GADL1: variants seen among roughly 807,000 people sequenced by gnomAD.
GADL1 encodes the protein GAD like acidic amino acid decarboxylase 1, also known as acidic amino acid decarboxylase GADL1.
Under a neutral mutation model 69.5 loss-of-function variants are expected in GADL1, and 71 were observed. The observed-to-expected ratio is 1.02, with a 90% confidence interval of 0.84 to 1.25. The LOEUF (loss-of-function observed/expected upper bound fraction) is 1.25, where lower values mean the gene tolerates loss of function less well. GADL1 is among the 50% of genes most tolerant of loss of function. The pLI is 0.00. For synonymous variants in GADL1, 254 were observed against 214.4 expected (o/e 1.18, Z -1.62); for missense variants, 737 against 631.8 (o/e 1.17, Z -1.79).
chr3:30,797,064 G>A (rs560686784), intron 12 of GADL1, among the ~76,000 whole-genome samples: 5 of 152,268 alleles, frequency 3.3e-5, no homozygotes, highest in East Asian at 1.9e-4. Context: ...GTATTATAAC[G>A]CAATCAGCTA....
intron 14 of GADL1, among the ~76,000 whole-genome samples, chr3:30,760,348 CATT>C (rs1254513926): frequency 6.6e-6 from 1 of 152,148 alleles, no homozygotes; most frequent in African/African-American, 2.4e-5. Flanking sequence ...TGCTTCTCTT[CATT>C]AAGCTTTAGT....
intron 12 of GADL1, among the ~76,000 whole-genome samples, chr3:30,786,985 G>A (rs1559499720): frequency 6.6e-6 from 1 of 152,144 alleles, no homozygotes; most frequent in Non-Finnish European, 1.5e-5. Context: ...TTATAAGTGG[G>A]AGCTGAACAG....
rs1288716141 is a variant in GADL1, at chr3:30,861,743, C to A, written c.60G>T (p.Met20Ile). 7.8e-6 allele frequency: 12 copies of A among 1,546,512 alleles called. No individual in the cohort carries two copies. The highest frequency in any genetic ancestry group is 1.0e-5 in the Non-Finnish European group (12 of 1,144,648). Reference sequence around the variant, plus strand: ...GAACAGCATTCTTCTTACTTGGAATCATCTCTTGTTGATCAATATCTCCTG... The same window carrying A: ...GAACAGCATTCTTCTTACTTGGAATAATCTCTTGTTGATCAATATCTCCTG... Reference protein sequence around the residue: ...PVDGDIDQQEMIPSKKNAVLV... With the variant: ...PVDGDIDQQEIIPSKKNAVLV... The change falls in exon 2 of 15, where the codon ATG becomes ATT. Residue 20 changes from methionine (M) to isoleucine (I), a missense_variant. Coordinates refer to ENST00000282538, the MANE Select transcript of GADL1 (RefSeq NM_207359.3).
intron 11 of GADL1, among the ~76,000 whole-genome samples, chr3:30,812,384 T>A (rs1290612556): frequency 2.6e-5 from 4 of 151,784 alleles, no homozygotes; most frequent in African/African-American, 9.7e-5. Context: ...GGACTCACAG[T>A]TCCACGTGGC....
chr3:30,811,461 T>C (rs1042603329), intron 11 of GADL1, among the ~76,000 whole-genome samples: 1 of 152,148 alleles, frequency 6.6e-6, no homozygotes, highest in Admixed American at 6.5e-5. Context: ...CAGATGGAGA[T>C]TTTTCGATTT....
chr3:30,785,227 T>C (rs1696762344), intron 13 of GADL1, among the ~76,000 whole-genome samples: 1 of 152,200 alleles, frequency 6.6e-6, no homozygotes, highest in African/African-American at 2.4e-5. Flanking sequence ...TTAATTAATT[T>C]GCTTAATTAG....
At chr3:30,746,084 G>A (rs1024127965) in intron 14 of GADL1, among the ~76,000 whole-genome samples, 3 of 151,806 alleles carry the variant, frequency 2.0e-5, no homozygotes, top group Non-Finnish European at 4.4e-5. Flanking sequence ...CGCTTCCTGG[G>A]TTCAAGCAAT....
At chr3:30,812,223 C>T (rs954594745) in intron 11 of GADL1, among the ~76,000 whole-genome samples, 1 of 152,148 alleles carries the variant, frequency 6.6e-6, no homozygotes, top group African/African-American at 2.4e-5. Context: ...AAAAGAAGCT[C>T]CAAACTATAA....
At chr3:30,781,290 T>C (rs553798746) in intron 13 of GADL1, among the ~76,000 whole-genome samples, 1 of 152,358 alleles carries the variant, frequency 6.6e-6, no homozygotes, top group East Asian at 1.9e-4. Flanking sequence ...GGAAGAATTA[T>C]TTAGCAAATT....
intron 8 of GADL1, 78 bp from the exon 9 acceptor site, chr3:30,839,191 G>T: frequency 1.1e-6 from 1 of 874,546 alleles, no homozygotes; most frequent in Non-Finnish European, 1.7e-6. Context: ...AAATATAAAG[G>T]GTTATGCATC....
chr3:30,826,145 T>G (rs1180763284), intron 11 of GADL1, among the ~76,000 whole-genome samples: 1 of 151,952 alleles, frequency 6.6e-6, no homozygotes, highest in African/African-American at 2.4e-5. Flanking sequence ...TTTTAATTTA[T>G]GTAATCTTTG....
intron 14 of GADL1, among the ~76,000 whole-genome samples, chr3:30,740,641 A>T (rs1270623493): frequency 6.6e-6 from 1 of 151,780 alleles, no homozygotes; most frequent in Non-Finnish European, 1.5e-5. Flanking sequence ...TCACTATTCA[A>T]CTCCTACTTT....
At chr3:30,849,669 G>C (rs1162105048) in intron 6 of GADL1, among the ~76,000 whole-genome samples, 1 of 152,004 alleles carries the variant, frequency 6.6e-6, no homozygotes, top group African/African-American at 2.4e-5. Flanking sequence ...AGAAGACATA[G>C]CTGAGATCCA....
rs114087407 is a variant in GADL1, at chr3:30,737,422, A to G, written c.1393-9007T>C. On this transcript the variant is annotated intron_variant, in intron 14 of 14. Transcript: ENST00000282538. The stretch of plus-strand genomic sequence containing the variant: ...TTTTTTGTTAATCATAAAATCTAAT[A>G]AAGTGTTTAAAACACTTAACCATGG... Among the ~76,000 whole-genome samples, 848 of 152,292 alleles carry G rather than the reference A, an allele frequency of 5.6e-3. 12 individuals carry two copies. Among genetic ancestry groups the G allele is most frequent in the African/African-American group, 0.019 (810 of 41,556 alleles).
intron 13 of GADL1, among the ~76,000 whole-genome samples, chr3:30,782,482 A>G (rs1696687363): frequency 1.3e-5 from 2 of 152,166 alleles, no homozygotes; most frequent in Middle Eastern, 3.2e-3. Flanking sequence ...CAAAAGAAGA[A>G]AGTAGAATTT....
intron 12 of GADL1, among the ~76,000 whole-genome samples, chr3:30,789,068 A>C (rs1455760854): frequency 6.6e-6 from 1 of 152,146 alleles, no homozygotes; most frequent in East Asian, 1.9e-4. Flanking sequence ...AAACCCATAA[A>C]ATTTTCAATT....
At chr3:30,790,354 T>G (rs1349337713) in intron 12 of GADL1, among the ~76,000 whole-genome samples, 1 of 152,128 alleles carries the variant, frequency 6.6e-6, no homozygotes, top group Non-Finnish European at 1.5e-5. Flanking sequence ...AACTGATGAC[T>G]CAAACATTTT....
At chr3:30,856,905 TGATCCAGA>T in intron 3 of GADL1, 102 bp downstream of exon 3, 3 of 853,718 alleles carry the variant, frequency 3.5e-6, no homozygotes, top group Admixed American at 5.9e-5. Context: ...ACTAATTTTT[TGATCCAGA>T]TTTCTCGTTC....
chr3:30,821,466 G>A (rs1290600507), intron 11 of GADL1, among the ~76,000 whole-genome samples: 2 of 151,702 alleles, frequency 1.3e-5, no homozygotes, highest in Non-Finnish European at 2.9e-5. Flanking sequence ...GTCATGAACT[G>A]ATCCCTACTA....
Sources: gnomAD v4.1 joint callset for allele counts (sites outside exome capture counted in the v4.1 genomes callset) on GRCh38, gnomAD v4.1.1 for gene constraint, MANE v1.5 for transcripts, NCBI Gene and HGNC (gene_info 2026-07-23, HGNC 2026-07-21) for gene names.